Variants in UBR1 observed in about 807,000 individuals in gnomAD.
UBR1 encodes the protein E3 ubiquitin-protein ligase UBR1.
In UBR1, 102 loss-of-function variants were observed where a neutral mutation model predicts 242.1. The observed-to-expected ratio is 0.42, with a 90% confidence interval of 0.36 to 0.50. The LOEUF is 0.50. Among genes scored for constraint, UBR1 ranks in the 20% least tolerant of loss-of-function variants. UBR1 has a pLI of 0.01. For missense variants in UBR1, 1,772 were observed against 2,101.8 expected, an observed-to-expected ratio of 0.84 and a Z score of 3.07; for synonymous variants, 675 against 684.8, an observed-to-expected ratio of 0.99 and a Z score of 0.22.
chr15:42,969,117 A>C (rs2032160497), intron 40 of UBR1, among the ~76,000 whole-genome samples: 1 of 152,172 alleles, frequency 6.6e-6, no homozygotes, highest in Non-Finnish European at 1.5e-5. Flanking sequence ...TTGTTGAACT[A>C]ATTTACACTC....
chr15:43,010,029 G>A (rs576966692), intron 29 of UBR1, among the ~76,000 whole-genome samples: 12 of 152,204 alleles, frequency 7.9e-5, no homozygotes, highest in African/African-American at 2.9e-4. Flanking sequence ...CTGCCACCAT[G>A]CCCAGCTAAT....
intron 15 of UBR1, among the ~76,000 whole-genome samples, chr15:43,042,747 T>C (rs2033436087): frequency 6.6e-6 from 1 of 152,116 alleles, no homozygotes; most frequent in African/African-American, 2.4e-5. Context: ...AATAGAAATA[T>C]ATACACTTCA....
chr15:42,946,161 T>C (rs1188556591), intron 46 of UBR1, among the ~76,000 whole-genome samples: 1 of 152,028 alleles, frequency 6.6e-6, no homozygotes, highest in Non-Finnish European at 1.5e-5. Context: ...TTTCGCTCTT[T>C]TTGCCCAGGC....
At chr15:43,015,591 A>T in intron 29 of UBR1, 97 bp downstream of exon 29, 1 of 1,355,808 alleles carries the variant, frequency 7.4e-7, no homozygotes, top group East Asian at 2.3e-5. Flanking sequence ...CTATTGTCCT[A>T]TGACCCTGCC....
chr15:43,088,194 A>C (rs1393763696), intron 1 of UBR1, among the ~76,000 whole-genome samples: 2 of 152,218 alleles, frequency 1.3e-5, no homozygotes, highest in African/African-American at 4.8e-5. Context: ...AAAATTAAAA[A>C]CCTGAATGTC....
intron 2 of UBR1, 35 bp from the exon 3 acceptor site, chr15:43,082,751 G>A (rs1232275394): frequency 6.6e-7 from 1 of 1,511,972 alleles, no homozygotes; most frequent in Admixed American, 1.7e-5. Context: ...CCAAAATTTA[G>A]ATGACTCCCA....
intron 46 of UBR1, among the ~76,000 whole-genome samples, chr15:42,947,829 G>T (rs887645682): frequency 6.6e-6 from 1 of 152,254 alleles, no homozygotes; most frequent in African/African-American, 2.4e-5. Context: ...TGGGTAGGAA[G>T]AATCAGTATC....
In UBR1 at chr15:43,031,981, C is replaced by T. The variant is rs143542867; in HGVS notation, c.2254+587G>A. Among the ~76,000 whole-genome samples, 557 of 152,298 alleles carry T rather than the reference C, an allele frequency of 3.7e-3. 3 individuals are homozygous for T. The highest frequency in any genetic ancestry group is 0.013 in the African/African-American group (544 of 41,568). ...TCCAGGAGGCAGAGGTTGCAGTGAGCTGAGATCGCACCACTGCACTCCGGC... is the reference window on the plus strand; with the variant it reads ...TCCAGGAGGCAGAGGTTGCAGTGAGTTGAGATCGCACCACTGCACTCCGGC... On this transcript the variant is annotated intron_variant, in intron 20 of 46. Transcript: ENST00000290650.
At chr15:43,030,134 T>A (rs2033235457) in intron 20 of UBR1, 66 bp from the exon 21 acceptor site, 2 of 1,541,150 alleles carry the variant, frequency 1.3e-6, no homozygotes, top group African/African-American at 1.4e-5. Context: ...TCTCTCCCCA[T>A]CAGAAGCACT....
At chr15:42,980,077 CCTAT>C (rs1353504699) in intron 37 of UBR1, among the ~76,000 whole-genome samples, 15 of 152,186 alleles carry the variant, frequency 9.9e-5, no homozygotes, top group African/African-American at 3.6e-4. Flanking sequence ...TATGATACTA[CCTAT>C]CTTATTTTTT....
Position 42,984,952 on chromosome 15 carries a change from T to C in UBR1, c.3998-10A>G, listed in dbSNP as rs776663869. ...TCTCCCAATAGATTTTCTCAAAGAA[T>C]AAAAAAAAATAAAAATAATAAATCC... On this transcript the variant is annotated splice_polypyrimidine_tract_variant and intron_variant, in intron 35 of 46. Transcript: ENST00000290650. 11 of 1,564,220 alleles carry C rather than the reference T, an allele frequency of 7.0e-6. No individual in the cohort carries two copies. The Admixed American group carries it at 1.0e-4, about 14-fold the overall frequency.
intron 39 of UBR1, among the ~76,000 whole-genome samples, chr15:42,974,321 C>A (rs1389273000): frequency 6.6e-6 from 1 of 152,156 alleles, no homozygotes; most frequent in East Asian, 1.9e-4. Context: ...GTTCCAACAC[C>A]ATTTGTTGAA....
chr15:43,028,848 C>A (rs2033214051), intron 21 of UBR1, among the ~76,000 whole-genome samples: 1 of 151,730 alleles, frequency 6.6e-6, no homozygotes, highest in Non-Finnish European at 1.5e-5. Flanking sequence ...CTTTGGGAGG[C>A]CAAGATGGGT....
intron 33 of UBR1, among the ~76,000 whole-genome samples, chr15:42,992,184 A>G (rs1265191467): frequency 6.6e-6 from 1 of 152,136 alleles, no homozygotes; most frequent in African/African-American, 2.4e-5. Flanking sequence ...CTCTTTCAAG[A>G]GTGTTTACCT....
intron 23 of UBR1, 34 bp downstream of exon 23, chr15:43,026,527 A>T: frequency 6.4e-7 from 1 of 1,570,570 alleles, no homozygotes; most frequent in Non-Finnish European, 8.8e-7. Flanking sequence ...TAAAGCATTT[A>T]GGTTTATTTA....
chr15:43,012,694 G>A (rs950638903), intron 29 of UBR1, among the ~76,000 whole-genome samples: 2 of 152,002 alleles, frequency 1.3e-5, no homozygotes, highest in Non-Finnish European at 2.9e-5. Context: ...TCTAGAGGTG[G>A]GACTTTGGCT....
At chr15:43,081,498 A>G (rs1325237124) in intron 3 of UBR1, among the ~76,000 whole-genome samples, 1 of 149,734 alleles carries the variant, frequency 6.7e-6, no homozygotes. Context: ...AGTGCTTTGG[A>G]TTTTCACTAT....
chr15:43,080,967 G>C (rs947356139), intron 3 of UBR1, among the ~76,000 whole-genome samples: 2 of 152,020 alleles, frequency 1.3e-5, no homozygotes, highest in South Asian at 2.1e-4. Flanking sequence ...AAAACATTTC[G>C]TGTGCAGTTT....
intron 1 of UBR1, among the ~76,000 whole-genome samples, chr15:43,102,665 G>C (rs1381326170): frequency 6.6e-6 from 1 of 152,112 alleles, no homozygotes; most frequent in Non-Finnish European, 1.5e-5. Flanking sequence ...TCATTATCAT[G>C]GACCCAATAA....
Sources: gnomAD v4.1 joint callset for allele counts (sites outside exome capture counted in the v4.1 genomes callset) on GRCh38, gnomAD v4.1.1 for gene constraint, MANE v1.5 for transcripts, NCBI Gene and HGNC (gene_info 2026-07-23, HGNC 2026-07-21) for gene names.